Variants in ESRP1 observed in about 807,000 individuals in gnomAD.
The protein encoded by ESRP1 is epithelial splicing regulatory protein 1, also known as RNA-binding motif protein 35A.
A neutral mutation model predicts 81.7 loss-of-function variants in ESRP1; 33 were observed. The observed-to-expected ratio is 0.40, with a 90% CI of 0.31 to 0.54. The LOEUF is 0.54. Ranked by LOEUF, ESRP1 falls within the 20% of genes least tolerant of loss-of-function variation. The pLI is 0.41. For synonymous variants in ESRP1, 320 were observed against 303.3 expected (o/e 1.06, Z -0.57); for missense variants, 672 against 833.1 (o/e 0.81, Z 2.38).
chr8:94,647,410 A>G (rs1259200539), intron 4 of ESRP1, among the ~76,000 whole-genome samples: 4 of 152,232 alleles, frequency 2.6e-5, no homozygotes, highest in Non-Finnish European at 5.9e-5. Flanking sequence ...AACAAATACC[A>G]TAGACCACGG....
chr8:94,698,962 T>A (rs1259872458), intron 15 of ESRP1, among the ~76,000 whole-genome samples: 1 of 152,196 alleles, frequency 6.6e-6, no homozygotes, highest in African/African-American at 2.4e-5. Context: ...TGCTTTGCGG[T>A]GGTAATGGGT....
intron 11 of ESRP1, among the ~76,000 whole-genome samples, chr8:94,673,196 C>T (rs1037254607): frequency 1.3e-5 from 2 of 152,230 alleles, no homozygotes; most frequent in Non-Finnish European, 2.9e-5. Flanking sequence ...AAATTGCCCA[C>T]ATTTAAGCAT....
intron 12 of ESRP1, 58 bp from the exon 13 acceptor site, chr8:94,678,145 G>A: frequency 1.3e-6 from 2 of 1,551,988 alleles, no homozygotes; most frequent in Non-Finnish European, 1.8e-6. Flanking sequence ...TTTAGTGCTA[G>A]CACGTGCATG....
chr8:94,697,767 TTTC>T (rs1439094695), intron 15 of ESRP1, among the ~76,000 whole-genome samples: 1 of 152,030 alleles, frequency 6.6e-6, no homozygotes, highest in African/African-American at 2.4e-5. Context: ...CTTTTTCCTG[TTTC>T]TTCTTTTATG....
intron 12 of ESRP1, among the ~76,000 whole-genome samples, chr8:94,675,225 G>A (rs540076522): frequency 6.6e-6 from 1 of 152,304 alleles, no homozygotes; most frequent in East Asian, 1.9e-4. Flanking sequence ...GTTAAAATTT[G>A]AGTCTTTTTT....
chr8:94,674,223 G>A, intron 11 of ESRP1, 85 bp from the exon 12 acceptor site: 2 of 1,445,268 alleles, frequency 1.4e-6, no homozygotes, highest in Non-Finnish European at 1.9e-6. Context: ...ATGGGTGATT[G>A]TCACTTTGCA....
At chr8:94,661,678 G>A (rs545797607) in intron 4 of ESRP1, among the ~76,000 whole-genome samples, 1 of 152,326 alleles carries the variant, frequency 6.6e-6, no homozygotes, top group Admixed American at 6.5e-5. Context: ...TGTTGGCTCT[G>A]AGTGCTTGAA....
At chr8:94,703,561 AG>A (rs1244664732) in intron 15 of ESRP1, among the ~76,000 whole-genome samples, 1 of 152,156 alleles carries the variant, frequency 6.6e-6, no homozygotes, top group African/African-American at 2.4e-5. Flanking sequence ...CAGAATATGA[AG>A]GCTTAATTTT....
At chr8:94,689,811 C>CTTTTTTTTTTTTTTTTTTTTATTT (rs1809305787) in intron 13 of ESRP1, among the ~76,000 whole-genome samples, 1 of 64,680 alleles carries the variant, frequency 1.5e-5, no homozygotes, top group Non-Finnish European at 3.0e-5. Flanking sequence ...TGATGCCTGG[C>CTTTTTTTTTTTTTTTTTTTTATTT]TTTTTTTTTT....
At chr8:94,663,935 C>T (rs1036671167) in intron 6 of ESRP1, among the ~76,000 whole-genome samples, 1 of 152,070 alleles carries the variant, frequency 6.6e-6, no homozygotes, top group Non-Finnish European at 1.5e-5. Context: ...TGGCAGACTT[C>T]CTACCATGCA....
At chr8:94,643,503 T>G in intron 3 of ESRP1, 87 bp downstream of exon 3, 1 of 778,220 alleles carries the variant, frequency 1.3e-6, no homozygotes, top group Non-Finnish European at 2.2e-6. Context: ...TTCAAGTTTC[T>G]CTGTTCTTAA....
intron 13 of ESRP1, among the ~76,000 whole-genome samples, chr8:94,679,151 G>A (rs1808763819): frequency 6.6e-6 from 1 of 151,984 alleles, no homozygotes; most frequent in South Asian, 2.1e-4. Flanking sequence ...AAGAGTTAGG[G>A]GTCTCATAAT....
chr8:94,649,544 C>G (rs4735315), intron 4 of ESRP1: 71,554 of 151,778 alleles, frequency 0.47, 19,192 homozygotes, highest in South Asian at 0.7. Context: ...ACAGAGCCTC[C>G]CTCTGTTACC....
chr8:94,701,280 A>G (rs1809827053), intron 15 of ESRP1, among the ~76,000 whole-genome samples: 1 of 150,994 alleles, frequency 6.6e-6, no homozygotes, highest in Admixed American at 6.6e-5. Context: ...ATCTCAAAAA[A>G]AAAAAAAAAG....
chr8:94,655,430 C>T (rs1224553922), intron 4 of ESRP1, among the ~76,000 whole-genome samples: 11 of 149,960 alleles, frequency 7.3e-5, no homozygotes, highest in African/African-American at 2.5e-4. Context: ...TTTCACTCCT[C>T]TCAGCTCATA....
intron 13 of ESRP1, among the ~76,000 whole-genome samples, chr8:94,678,915 G>A (rs986253720): frequency 2.0e-5 from 3 of 151,946 alleles, no homozygotes; most frequent in Admixed American, 6.6e-5. Flanking sequence ...TCAATTTCTC[G>A]GACATAGCAT....
At chr8:94,665,318 G>T (rs1314900622) in intron 9 of ESRP1, 122 bp downstream of exon 9, 5 of 977,730 alleles carry the variant, frequency 5.1e-6, no homozygotes, top group Non-Finnish European at 7.7e-6. Flanking sequence ...TGGAACATGG[G>T]AATAGATTTT....
At chr8:94,670,692 T>A in intron 10 of ESRP1, among the ~76,000 whole-genome samples, 1 of 152,254 alleles carries the variant, frequency 6.6e-6, no homozygotes, top group East Asian at 1.9e-4. Context: ...ATATGAGTGT[T>A]GCCTAAGGGC....
chr8:94,659,224 C>A (rs1252896294), intron 4 of ESRP1, among the ~76,000 whole-genome samples: 1 of 152,194 alleles, frequency 6.6e-6, no homozygotes, highest in Non-Finnish European at 1.5e-5. Context: ...AGGTTTGTAG[C>A]AACTCTGCAT....
Sources: gnomAD v4.1 joint callset for allele counts (sites outside exome capture counted in the v4.1 genomes callset) on GRCh38, gnomAD v4.1.1 for gene constraint, MANE v1.5 for transcripts, NCBI Gene and HGNC (gene_info 2026-07-23, HGNC 2026-07-21) for gene names.